DNER: variants seen among roughly 807,000 people sequenced by gnomAD.
DNER encodes the protein delta/notch like EGF repeat containing, also known as delta and Notch-like epidermal growth factor-related receptor.
In DNER, 33 loss-of-function variants were observed where a neutral mutation model predicts 78.2. That is an observed-to-expected ratio of 0.42 (90% CI 0.32 to 0.56). The LOEUF (loss-of-function observed/expected upper bound fraction) is 0.56, where lower values mean the gene tolerates loss of function less well. Ranked by LOEUF, DNER falls within the 20% of genes least tolerant of loss-of-function variation. DNER has a pLI of 0.11. For synonymous variants in DNER, 417 were observed against 384.8 expected (o/e 1.08, Z -0.98); for missense variants, 918 against 975.3 (o/e 0.94, Z 0.78).
chr2:229,631,143 G>T (rs1455872800), intron 1 of DNER, among the ~76,000 whole-genome samples: 2 of 152,096 alleles, frequency 1.3e-5, no homozygotes, highest in African/African-American at 4.8e-5. Context: ...TTTCCTTTGG[G>T]TATACACCCA....
chr2:229,462,532 A>T (rs1414647492), intron 7 of DNER, among the ~76,000 whole-genome samples: 3 of 152,058 alleles, frequency 2.0e-5, no homozygotes, highest in Non-Finnish European at 4.4e-5. Context: ...AAAATACATC[A>T]TGAACCCAAA....
chr2:229,655,016 A>T (rs893186385), intron 1 of DNER, among the ~76,000 whole-genome samples: 2 of 151,882 alleles, frequency 1.3e-5, no homozygotes, highest in Admixed American at 6.6e-5. Context: ...CAGATGTTTT[A>T]AAAAAAATTC....
chr2:229,534,979 G>T (rs911703247), intron 5 of DNER, among the ~76,000 whole-genome samples: 3 of 152,008 alleles, frequency 2.0e-5, no homozygotes, highest in African/African-American at 4.8e-5. Flanking sequence ...GGGATTATAG[G>T]CACCCACCAC....
intron 5 of DNER, among the ~76,000 whole-genome samples, chr2:229,538,939 C>T (rs1054125902): frequency 2.0e-5 from 3 of 152,152 alleles, no homozygotes; most frequent in Non-Finnish European, 4.4e-5. Flanking sequence ...CACTCTGCAC[C>T]CCCTCTCACT....
chr2:229,404,071 G>A (rs1389751143), intron 10 of DNER, among the ~76,000 whole-genome samples: 1 of 152,156 alleles, frequency 6.6e-6, no homozygotes, highest in East Asian at 1.9e-4. Context: ...GACCAGATAG[G>A]AAGGCTTGTA....
chr2:229,584,748 G>T (rs948988263), intron 4 of DNER, among the ~76,000 whole-genome samples: 1 of 152,036 alleles, frequency 6.6e-6, no homozygotes, highest in African/African-American at 2.4e-5. Flanking sequence ...GGCCAACATG[G>T]TGAAACCCCG....
At chr2:229,364,993 GTGCT>G (rs1692312598) in intron 12 of DNER, among the ~76,000 whole-genome samples, 1 of 151,880 alleles carries the variant, frequency 6.6e-6, no homozygotes, top group African/African-American at 2.4e-5. Flanking sequence ...TGGGATTACA[GTGCT>G]TATCTTTGTC....
chr2:229,567,390 A>C (rs543741900), intron 4 of DNER, among the ~76,000 whole-genome samples: 1 of 152,326 alleles, frequency 6.6e-6, no homozygotes, highest in Non-Finnish European at 1.5e-5. Flanking sequence ...ACATTTTGAA[A>C]GGGAAGGAGG....
chr2:229,394,393 T>A (rs1046418656), intron 10 of DNER, among the ~76,000 whole-genome samples: 2 of 152,216 alleles, frequency 1.3e-5, no homozygotes, highest in African/African-American at 4.8e-5. Flanking sequence ...TCTTCGTAAG[T>A]CCCTATTAAA....
At chr2:229,474,597 A>G (rs151004835) in intron 7 of DNER, among the ~76,000 whole-genome samples, 60 of 152,278 alleles carry the variant, frequency 3.9e-4, no homozygotes, top group African/African-American at 1.3e-3. Context: ...CTAAAGGCCA[A>G]TGTCTCTGTG....
intron 5 of DNER, among the ~76,000 whole-genome samples, chr2:229,540,274 G>C (rs1429216398): frequency 3.9e-5 from 6 of 152,098 alleles, no homozygotes; most frequent in African/African-American, 1.2e-4. Flanking sequence ...ATGGGGAACA[G>C]CATGAGCAAA....
At chr2:229,600,233 C>T (rs1453251705) in intron 1 of DNER, among the ~76,000 whole-genome samples, 1 of 152,218 alleles carries the variant, frequency 6.6e-6, no homozygotes, top group Non-Finnish European at 1.5e-5. Context: ...GGAATACAAC[C>T]ACAGCCACCT....
At chr2:229,615,791 G>A (rs946051838) in intron 1 of DNER, among the ~76,000 whole-genome samples, 26 of 105,066 alleles carry the variant, frequency 2.5e-4, no homozygotes, top group East Asian at 1.9e-3. Flanking sequence ...GGAGACTAGC[G>A]GCAAAAAAAA....
At chr2:229,596,516 C>G (rs1337519429) in intron 1 of DNER, among the ~76,000 whole-genome samples, 3 of 152,200 alleles carry the variant, frequency 2.0e-5, no homozygotes, top group African/African-American at 4.8e-5. Context: ...CCACCTTTCT[C>G]TGGTCCTCGG....
chr2:229,714,012 C>T (rs1481056316), intron 1 of DNER, 136 bp downstream of exon 1: 12 of 929,950 alleles, frequency 1.3e-5, no homozygotes, highest in Non-Finnish European at 1.7e-5. Flanking sequence ...GGCCAAGAGA[C>T]TGGATCCATC....
chr2:229,520,757 G>A (rs1004390657), intron 5 of DNER, among the ~76,000 whole-genome samples: 4 of 152,162 alleles, frequency 2.6e-5, no homozygotes, highest in African/African-American at 9.7e-5. Flanking sequence ...GGACTGCTGT[G>A]GAGAACACTG....
intron 6 of DNER, among the ~76,000 whole-genome samples, chr2:229,498,151 A>G (rs1336662310): frequency 3.9e-5 from 6 of 152,234 alleles, no homozygotes; most frequent in Admixed American, 1.3e-4. Context: ...ATGATATATT[A>G]CTTTAAAAGA....
chr2:229,540,199 G>C (rs57626338), intron 5 of DNER, among the ~76,000 whole-genome samples: 6,249 of 152,206 alleles, frequency 0.041, 440 homozygotes, highest in African/African-American at 0.14. Flanking sequence ...AATAGTTGGG[G>C]AGGTGGAAGG....
chr2:229,399,706 C>T (rs1342022204), intron 10 of DNER, among the ~76,000 whole-genome samples: 1 of 151,844 alleles, frequency 6.6e-6, no homozygotes, highest in Non-Finnish European at 1.5e-5. Flanking sequence ...AAAAGAAGAG[C>T]CCAAAATAGA....
Sources: allele counts gnomAD v4.1 joint callset (sites outside exome capture counted in the v4.1 genomes callset), GRCh38; gene constraint gnomAD v4.1.1; transcripts MANE v1.5; gene names NCBI Gene and HGNC (gene_info 2026-07-23, HGNC 2026-07-21).